Variants in ARHGEF40 observed in about 807,000 individuals in gnomAD.
The protein encoded by ARHGEF40 is Rho guanine nucleotide exchange factor 40.
In ARHGEF40, 98 loss-of-function variants were observed where a neutral mutation model predicts 165.9. The observed-to-expected ratio is 0.59, with a 90% CI of 0.50 to 0.70. The LOEUF (loss-of-function observed/expected upper bound fraction) is 0.70. Among genes scored for constraint, ARHGEF40 ranks in the 30% least tolerant of loss-of-function variants. The pLI is 0.00. For missense variants in ARHGEF40, 1,815 were observed against 1,968.0 expected (o/e 0.92, Z 1.47); for synonymous variants, 792 against 814.3 (o/e 0.97, Z 0.47).
Position 21,075,911 on chromosome 14 carries a change from C to A in ARHGEF40, c.1739+146C>A. On this transcript the variant is annotated intron_variant, in intron 5 of 23. Transcript: ENST00000298694. The surrounding 1 kb of genome is among the most constrained non-coding windows in gnomAD (Gnocchi z 4.5). ...CAGACTTCAAGCCATTGACCTTTGGCCTTACTTACCCTGACCTCCAGCTTC... is the reference window on the plus strand; with the variant it reads ...CAGACTTCAAGCCATTGACCTTTGGACTTACTTACCCTGACCTCCAGCTTC... 2.0e-6 allele frequency: 2 copies of A among 1,017,038 alleles called. No individual in the cohort carries two copies. The highest frequency in any genetic ancestry group is 1.4e-6 in the Non-Finnish European group (1 of 714,090). The allele number at this position is 1,017,038 out of a possible 1,614,324, so 63.0% of individuals were successfully genotyped here. A position where few individuals can be genotyped will look rare whatever the true frequency, so the allele number is the denominator to read the frequency against.
In ARHGEF40 at chr14:21,074,698, AG is replaced by A; in HGVS notation, c.970del (p.Ala324LeufsTer27). 6.3e-7 allele frequency: 1 copy of A among 1,589,758 alleles called. No homozygotes were observed. Among genetic ancestry groups the A allele is most frequent in the South Asian group, 1.1e-5 (1 of 88,358 alleles). On this transcript the variant is annotated frameshift_variant, in exon 3 of 24. Transcript: ENST00000298694. LOFTEE classifies it high-confidence loss of function. This position sits in a 1 kb window ranked among gnomAD's most constrained non-coding sequence, Gnocchi z 4.8. The stretch of plus-strand genomic sequence containing the variant: ...TCCCCTGAGTCTCCCCCAGGAGCTG[AG>A]GCTGTCCCAGAGGCAGCAGTCTTGG... ...GASPESPPGA[E>X]AVPEAAVLEV...
rs753812011 is a variant in ARHGEF40, at chr14:21,083,962, G to A, written c.3701G>A (p.Arg1234Gln). Reference protein sequence around the residue: ...EAGPELSSECRALGAAVQLLR... With the variant: ...EAGPELSSECQALGAAVQLLR... ...GGGCCTGAGCTCAGTTCTGAGTGCC[G>A]GGCCCTTGGGGCTGCTGTACAGCTG... is the stretch of plus-strand genomic sequence containing the variant. The change falls in exon 17 of 24, where the codon CGG becomes CAG. Residue 1234 changes from arginine (R) to glutamine (Q), a missense_variant. Transcript: ENST00000298694. 37 of 1,613,612 alleles carry A rather than the reference G, an allele frequency of 2.3e-5. No individual in the cohort carries two copies. Among genetic ancestry groups the A allele is most frequent in the Non-Finnish European group, 2.8e-5 (33 of 1,179,944 alleles).
Position 21,074,355 on chromosome 14 carries a change from C to A in ARHGEF40, c.625C>A (p.Pro209Thr), listed in dbSNP as rs770435433. ...STLPPELPSGPPGLPSPPLPE... is the reference protein window; with the variant it reads ...STLPPELPSGTPGLPSPPLPE... The stretch of plus-strand genomic sequence containing the variant: ...ACTGCCCCCAGAACTGCCCTCTGGA[C>A]CTCCAGGGCTTCCCAGCCCTCCACT... The change falls in exon 3 of 24, where the codon CCT (proline) becomes ACT (threonine). Residue 209 changes from proline to threonine, a missense_variant. Transcript: ENST00000298694. The surrounding 1 kb of genome is among the most constrained non-coding windows in gnomAD (Gnocchi z 4.8). The A allele has an allele frequency of 6.2e-7, 1 of 1,613,628 alleles. No homozygotes were observed. The highest frequency in any genetic ancestry group is 2.2e-5 in the East Asian group (1 of 44,876).
intron 17 of ARHGEF40, among the ~76,000 whole-genome samples, chr14:21,084,545 G>A (rs111473153): frequency 2.7e-3 from 413 of 152,346 alleles, no homozygotes; most frequent in Middle Eastern, 0.01. Context: ...GCACCTTGCC[G>A]TCTTCAGAGG....
chr14:21,074,664 A>G lies in ARHGEF40; in HGVS notation c.934A>G (p.Thr312Ala). ...ACGCCCACCCGGCGAGGGGAGCAGC[A>G]CCGGAGCCTCCCCTGAGTCTCCCCC... ...GARPPGEGSSTGASPESPPGA... is the reference protein window; with the variant it reads ...GARPPGEGSSAGASPESPPGA... Residue 312 changes from threonine (T) to alanine (A), a missense_variant, in exon 3 of 24, where the codon ACC (threonine) becomes GCC (alanine). Thr to Ala is a moderately conservative substitution (Grantham distance 58). Transcript: ENST00000298694. The surrounding 1 kb of genome is among the most constrained non-coding windows in gnomAD (Gnocchi z 4.8). 6.4e-7 allele frequency: 1 copy of G among 1,569,406 alleles called. No individual in the cohort carries two copies. The highest frequency in any genetic ancestry group is 8.6e-7 in the Non-Finnish European group (1 of 1,158,770).
At position 21,074,532 on chromosome 14, in the gene ARHGEF40, G is replaced by T; in HGVS notation, c.802G>T (p.Val268Phe). Residue 268 changes from valine (V) to phenylalanine (F), a missense_variant, in exon 3 of 24, where the codon GTC (valine) becomes TTC (phenylalanine). Val to Phe is a conservative substitution (Grantham distance 50, BLOSUM62 -1). Transcript: ENST00000298694. The surrounding 1 kb of genome is among the most constrained non-coding windows in gnomAD (Gnocchi z 4.8). ...TGAAGGCTCCCCAGGCCTCTCCAGA[G>T]TCCGGACGGTACCCACCCGCAAGGG... Reference protein sequence around the residue: ...DAEGSPGLSRVRTVPTRKGAG... With the variant: ...DAEGSPGLSRFRTVPTRKGAG... 6.4e-7 allele frequency: 1 copy of T among 1,551,060 alleles called. No individual in the cohort carries two copies. The highest frequency in any genetic ancestry group is 2.3e-5 in the East Asian group (1 of 43,464).
intron 8 of ARHGEF40, 21 bp from the exon 9 acceptor site, chr14:21,078,156 A>G (rs376701101): frequency 6.4e-5 from 103 of 1,602,568 alleles, no homozygotes; most frequent in Non-Finnish European, 8.6e-5. Flanking sequence ...CCTCAACTCC[A>G]TCCCTGCATG....
At position 21,087,457 on chromosome 14, in the gene ARHGEF40, T is replaced by G. The variant is rs149588399; in HGVS notation, c.4381T>G (p.Ser1461Ala). 1 of 1,600,476 alleles carries G rather than the reference T, an allele frequency of 6.2e-7. No homozygotes were observed. Among genetic ancestry groups the G allele is most frequent in the African/African-American group, 1.3e-5 (1 of 74,936 alleles). Residue 1461 changes from serine to alanine, a missense_variant, in exon 21 of 24, where the codon TCC becomes GCC. By Grantham distance (99) the Ser-to-Ala change is moderately conservative (BLOSUM62 1). Transcript: ENST00000298694. ...CTGGGATCTGGACGTCAAGCAAATT[T>G]CCCTGGGTGAGGCACCTCTCAAGGG... ...EAWDLDVKQI[S>A]LAPETLDSSG...
At chr14:21,069,865 G>A (rs540536432), upstream of ARHGEF40, among the ~76,000 whole-genome samples, 77 of 152,344 alleles carry the variant, frequency 5.1e-4, no homozygotes, top group African/African-American at 1.8e-3. Flanking sequence ...GTTAGAGCGG[G>A]GAGGCTTTCC....
Position 21,081,861 on chromosome 14 carries a change from C to T in ARHGEF40, c.2993C>T (p.Pro998Leu). The part of the protein sequence containing the change: ...SLSSLLLPSS[P>L]GPRPAPSHCS... ...AGCTCCTTGCTGCTCCCCAGCAGCC[C>T]TGGGCCACGGCCAGCCCCATCCCAT... Residue 998 changes from proline to leucine, a missense_variant, in exon 14 of 24, where the codon CCT becomes CTT. Coordinates refer to ENST00000298694, the MANE Select transcript of ARHGEF40 (RefSeq NM_018071.5). 1 of 1,612,664 alleles carries T rather than the reference C, an allele frequency of 6.2e-7. No individual in the cohort carries two copies. The highest frequency in any genetic ancestry group is 1.1e-5 in the South Asian group (1 of 90,970).
chr14:21,073,547 CT>C lies in ARHGEF40; in HGVS notation c.201+306del, dbSNP rs1887151416. Reference sequence around the variant, plus strand: ...ACCCAATTCCAGACATCTTCTCCCCCTCATATGAATTTCTCAAGACACTAAC... The same window carrying C: ...ACCCAATTCCAGACATCTTCTCCCCCCATATGAATTTCTCAAGACACTAAC... On this transcript the variant is annotated intron_variant, in intron 2 of 23. Transcript: ENST00000298694. The surrounding 1 kb of genome is among the most constrained non-coding windows in gnomAD (Gnocchi z 4.6). 6.6e-6 allele frequency among the ~76,000 whole-genome samples: 1 copy of C among 152,244 alleles called. No homozygotes were observed. The highest frequency in any genetic ancestry group is 2.4e-5 in the African/African-American group (1 of 41,512).
chr14:21,082,316 G>T lies in ARHGEF40; in HGVS notation c.3324G>T (p.Val1108=). 1 of 1,613,034 alleles carries T rather than the reference G, an allele frequency of 6.2e-7. No individual in the cohort carries two copies. Residue 1108 remains valine (V), a synonymous_variant, in exon 15 of 24, where the codon GTG becomes GTT. Transcript: ENST00000298694. ...ACGTGGCCACCTTGAGTGAGCCAGTGCCACCCCCTGGGCCTGAGCTGACGC... is the reference window on the plus strand; with the variant it reads ...ACGTGGCCACCTTGAGTGAGCCAGTTCCACCCCCTGGGCCTGAGCTGACGC... ...QDYVATLSEP[V]PPPGPELTPE...
intron 11 of ARHGEF40, among the ~76,000 whole-genome samples, chr14:21,079,424 C>T (rs1296140847): frequency 6.6e-6 from 1 of 152,144 alleles, no homozygotes; most frequent in African/African-American, 2.4e-5. Context: ...GACCTGAGGC[C>T]GGAAAGGTCC....
At position 21,073,353 on chromosome 14, in the gene ARHGEF40, A is replaced by C; in HGVS notation, c.201+111A>C. ...TAACCTAGAGATACAGCCTCCCTTG[A>C]AACCGATCTCTCCAGAATCACTTAA... On this transcript the variant is annotated intron_variant, in intron 2 of 23. Coordinates refer to ENST00000298694, the MANE Select transcript of ARHGEF40 (RefSeq NM_018071.5). This position sits in a 1 kb window ranked among gnomAD's most constrained non-coding sequence, Gnocchi z 4.6. The C allele has an allele frequency of 1.6e-6, 2 of 1,212,978 alleles. No homozygotes were observed. The highest frequency in any genetic ancestry group is 1.1e-6 in the Non-Finnish European group (1 of 871,872). 75.1% of individuals were successfully genotyped at this position (1,212,978 alleles called of 1,614,324 possible). A position where few individuals can be genotyped will look rare whatever the true frequency, so the allele number is the denominator to read the frequency against.
Position 21,073,439 on chromosome 14 carries a change from A to AACAC in ARHGEF40, c.201+215_201+218dup, listed in dbSNP as rs35990507. Among the ~76,000 whole-genome samples, 214 of 150,098 alleles carry AACAC rather than the reference A, an allele frequency of 1.4e-3. No homozygotes were observed. The highest frequency in any genetic ancestry group is 2.0e-3 in the East Asian group (10 of 5,118). On this transcript the variant is annotated intron_variant, in intron 2 of 23. Coordinates refer to ENST00000298694, the MANE Select transcript of ARHGEF40 (RefSeq NM_018071.5). This position sits in a 1 kb window ranked among gnomAD's most constrained non-coding sequence, Gnocchi z 4.6. Reference sequence around the variant, plus strand: ...CACAGGCACTGACCATTCAGATGCTAACACACACACACACACACACATTCA... The same window carrying AACAC: ...CACAGGCACTGACCATTCAGATGCTAACACACACACACACACACACACACATTCA...
Position 21,083,905 on chromosome 14 carries a change from G to C in ARHGEF40, c.3644G>C (p.Gly1215Ala). The change falls in exon 17 of 24, where the codon GGG becomes GCG. Residue 1215 changes from glycine to alanine, a missense_variant. Gly to Ala is a moderately conservative substitution (Grantham distance 60, BLOSUM62 0). Transcript: ENST00000298694. ...CCTCTGGAACAGCTGACTCGGTATG[G>C]GCGGCTCCTGGAGGAGCTCCTGAGG... ...QQPLEQLTRY[G>A]RLLEELLREA... 6.2e-7 allele frequency: 1 copy of C among 1,614,106 alleles called. No individual in the cohort carries two copies. Among genetic ancestry groups the C allele is most frequent in the Non-Finnish European group, 8.5e-7 (1 of 1,180,040 alleles).
rs1331373536 is a variant in ARHGEF40 at position 21,085,840 on chromosome 14, T to C, written c.4112T>C (p.Leu1371Pro). 7.4e-6 allele frequency: 12 copies of C among 1,614,068 alleles called. No homozygotes were observed. The highest frequency in any genetic ancestry group is 1.0e-5 in the Non-Finnish European group (12 of 1,180,012). ...TGGACAAGTTCTATTGCCCAGCTGC[T>C]GTGGAGACAGGCAGCCCACAACAAG... ...LKWTSSIAQL[L>P]WRQAAHNKEL... The change falls in exon 19 of 24, where the codon CTG becomes CCG. Residue 1371 changes from leucine (L) to proline (P), a missense_variant. Physicochemically the swap from Leu to Pro is moderately conservative, Grantham distance 98. Coordinates refer to ENST00000298694, the MANE Select transcript of ARHGEF40 (RefSeq NM_018071.5).
At chr14:21,066,950 T>C (rs908038464), upstream of ARHGEF40, among the ~76,000 whole-genome samples, 1 of 152,234 alleles carries the variant, frequency 6.6e-6, no homozygotes, top group African/African-American at 2.4e-5. Context: ...AAGGCAGAGC[T>C]AACAAGAACA....
At position 21,086,762 on chromosome 14, in the gene ARHGEF40, C is replaced by A. The variant is rs984360190; in HGVS notation, c.4139-239C>A. 4.5e-5 allele frequency: 21 copies of A among 468,218 alleles called. No homozygotes were observed. In the Admixed American group the frequency reaches 6.9e-4, roughly 15 times the overall value. 29.0% of individuals were successfully genotyped at this position (468,218 alleles called of 1,614,324 possible). On this transcript the variant is annotated intron_variant, in intron 19 of 23. Coordinates refer to ENST00000298694, the MANE Select transcript of ARHGEF40 (RefSeq NM_018071.5). ...ATTAGGCAGCTGGGATGCCAAACAGCCAGGATGCAACATATTGGAGAGAAG... is the reference window on the plus strand; with the variant it reads ...ATTAGGCAGCTGGGATGCCAAACAGACAGGATGCAACATATTGGAGAGAAG...
Sources: allele counts gnomAD v4.1 joint callset (sites outside exome capture counted in the v4.1 genomes callset), GRCh38; gene constraint gnomAD v4.1.1; non-coding constraint Gnocchi (gnomAD v3.1); transcripts MANE v1.5; gene names NCBI Gene and HGNC (gene_info 2026-07-23, HGNC 2026-07-21).